The following ZNF471 variants were observed in gnomAD, a reference collection of about 807,000 sequenced individuals.
The protein encoded by ZNF471 is zinc finger protein 471.
In ZNF471, 7 loss-of-function variants were observed where a neutral mutation model predicts 13.7. The ratio of observed to expected loss-of-function variants is 0.51; its 90% CI spans 0.29 to 0.96. The LOEUF (loss-of-function observed/expected upper bound fraction) is 0.96. Among genes scored for constraint, ZNF471 ranks in the 40% least tolerant of loss-of-function variants. The pLI, the probability that ZNF471 is intolerant of heterozygous loss-of-function variation, is 0.08. For synonymous variants in ZNF471, 218 were observed against 235.6 expected, an observed-to-expected ratio of 0.93 and a Z score of 0.68; for missense variants, 663 against 743.3, an observed-to-expected ratio of 0.89 and a Z score of 1.26.
intron 4 of ZNF471, among the ~76,000 whole-genome samples, chr19:56,521,817 G>C (rs544290791): frequency 6.6e-6 from 1 of 152,042 alleles, no homozygotes; most frequent in Non-Finnish European, 1.5e-5. Flanking sequence ...ATGGTGGCAT[G>C]CACTTGGTAC....
intron 2 of ZNF471, among the ~76,000 whole-genome samples, chr19:56,514,036 T>A (rs2043844849): frequency 1.3e-5 from 2 of 151,358 alleles, no homozygotes; most frequent in African/African-American, 2.4e-5. Flanking sequence ...GTTTAGATTT[T>A]CTTTCATTGT....
intron 4 of ZNF471, among the ~76,000 whole-genome samples, chr19:56,523,272 A>G (rs1407075686): frequency 2.6e-5 from 4 of 151,994 alleles, no homozygotes; most frequent in African/African-American, 9.6e-5. Flanking sequence ...TACTCAAGAG[A>G]AGGTGGGAAG....
Position 56,521,652 on chromosome 19 carries a change from A to AAAC in ZNF471, c.257-2670_257-2669insCAA, listed in dbSNP as rs1555765590. On this transcript the variant is annotated intron_variant, in intron 4 of 4. Coordinates refer to ENST00000308031, the MANE Select transcript of ZNF471 (RefSeq NM_020813.4). ...AGACTCTGTCTCAAAAAAAAAAAAAAAAAAAAACTCTTCTATTGCTGGGCA... is the reference window on the plus strand; with the variant it reads ...AGACTCTGTCTCAAAAAAAAAAAAAAAACAAAAAAACTCTTCTATTGCTGGGCA... 2.5e-3 allele frequency among the ~76,000 whole-genome samples: 365 copies of AAAC among 147,362 alleles called. 4 individuals carry two copies. Among genetic ancestry groups the AAAC allele is most frequent in the Non-Finnish European group, 3.6e-3 (245 of 67,132 alleles).
In ZNF471 at chr19:56,524,432, A is replaced by T. The variant is rs2044015852; in HGVS notation, c.365A>T (p.Glu122Val). 6.2e-7 allele frequency: 1 copy of T among 1,613,640 alleles called. No individual in the cohort carries two copies. Among genetic ancestry groups the T allele is most frequent in the Admixed American group, 1.7e-5 (1 of 59,942 alleles). Residue 122 changes from glutamate to valine, a missense_variant, in exon 5 of 5, where the codon GAA becomes GTA. Physicochemically the swap from Glu to Val is moderately radical, Grantham distance 121. Coordinates refer to ENST00000308031, the MANE Select transcript of ZNF471 (RefSeq NM_020813.4). The surrounding 1 kb of genome is among the most constrained non-coding windows in gnomAD (Gnocchi z 4.8). ...TATGGACTTGAGTGTTCCACTTTTG[A>T]AGAAAATTGGAAATGGGAAGACCTT... ...TSYGLECSTF[E>V]ENWKWEDLFE...
At position 56,522,492 on chromosome 19, in the gene ZNF471, C is replaced by A. The variant is rs781355848; in HGVS notation, c.257-1832C>A. The stretch of plus-strand genomic sequence containing the variant: ...AACAATTCCTTCATTACTTTGATAT[C>A]ACAAATGCTTAGTGCATAATGTATA... On this transcript the variant is annotated intron_variant, in intron 4 of 4. Coordinates refer to ENST00000308031, the MANE Select transcript of ZNF471 (RefSeq NM_020813.4). This position sits in a 1 kb window ranked among gnomAD's most constrained non-coding sequence, Gnocchi z 4.1. 3.3e-5 allele frequency among the ~76,000 whole-genome samples: 5 copies of A among 152,188 alleles called. No individual in the cohort carries two copies. Among genetic ancestry groups the A allele is most frequent in the Non-Finnish European group, 7.3e-5 (5 of 68,036 alleles).
rs1289435994 is a variant in ZNF471, at chr19:56,528,828, A to G, written c.*2880A>G. On this transcript the variant is annotated 3_prime_UTR_variant, in exon 5 of 5. Coordinates refer to ENST00000308031, the MANE Select transcript of ZNF471 (RefSeq NM_020813.4). ...TTAACTGAAGAAAGAGAAATTGAAT[A>G]ATATAGTTCTATTTCAACATGTGGG... The G allele has an allele frequency of 6.6e-6, 1 of 152,212 alleles. No homozygotes were observed. Among genetic ancestry groups the G allele is most frequent in the Non-Finnish European group, 1.5e-5 (1 of 68,044 alleles). The allele number at this position is 152,212 out of a possible 1,614,324, so 9.4% of individuals were successfully genotyped here.
chr19:56,510,928 G>A lies in ZNF471; in HGVS notation c.-55-589G>A. ...AATTAAGGGGCTGGGACAGAGGTGA[G>A]AGTGAAAGTGGCAGAATTGAGTGCT... On this transcript the variant is annotated intron_variant, in intron 1 of 4. Coordinates refer to ENST00000308031, the MANE Select transcript of ZNF471 (RefSeq NM_020813.4). The surrounding 1 kb of genome is among the most constrained non-coding windows in gnomAD (Gnocchi z 4.3). 2 of 985,588 alleles carry A rather than the reference G, an allele frequency of 2.0e-6. No individual in the cohort carries two copies. Among genetic ancestry groups the A allele is most frequent in the Non-Finnish European group, 2.4e-6 (2 of 830,038 alleles). 61.1% of individuals were successfully genotyped at this position (985,588 alleles called of 1,614,324 possible).
chr19:56,524,665 T>C lies in ZNF471; in HGVS notation c.598T>C (p.Tyr200His), dbSNP rs1463437932. ...NSMVIKHKKV[Y>H]VGKKLFKCNE... Reference sequence around the variant, plus strand: ...TATGGTAATAAAACACAAGAAAGTCTATGTAGGAAAGAAGCTTTTTAAATG... The same window carrying C: ...TATGGTAATAAAACACAAGAAAGTCCATGTAGGAAAGAAGCTTTTTAAATG... Residue 200 changes from tyrosine to histidine, a missense_variant, in exon 5 of 5, where the codon TAT becomes CAT. Coordinates refer to ENST00000308031, the MANE Select transcript of ZNF471 (RefSeq NM_020813.4). The surrounding 1 kb of genome is among the most constrained non-coding windows in gnomAD (Gnocchi z 4.8). 3.2e-6 allele frequency: 5 copies of C among 1,580,618 alleles called. No individual in the cohort carries two copies. Among genetic ancestry groups the C allele is most frequent in the Non-Finnish European group, 4.3e-6 (5 of 1,171,166 alleles).
Position 56,524,452 on chromosome 19 carries a change from G to T in ZNF471, c.385G>T (p.Asp129Tyr). ...STFEENWKWE[D>Y]LFEKQMGSHE... is the part of the protein sequence containing the mutation. ...TTTTGAAGAAAATTGGAAATGGGAA[G>T]ACCTTTTTGAGAAGCAGATGGGAAG... Residue 129 changes from aspartate (D) to tyrosine (Y), a missense_variant, in exon 5 of 5, where the codon GAC (aspartate) becomes TAC (tyrosine). By Grantham distance (160) the Asp-to-Tyr change is radical. Transcript: ENST00000308031. The surrounding 1 kb of genome is among the most constrained non-coding windows in gnomAD (Gnocchi z 4.8). 6.2e-7 allele frequency: 1 copy of T among 1,613,760 alleles called. No homozygotes were observed. Among genetic ancestry groups the T allele is most frequent in the Non-Finnish European group, 8.5e-7 (1 of 1,179,934 alleles).
chr19:56,512,049 A>AT (rs2043819105), intron 2 of ZNF471, among the ~76,000 whole-genome samples: 1 of 152,046 alleles, frequency 6.6e-6, no homozygotes, highest in Non-Finnish European at 1.5e-5. Flanking sequence ...TTTTCTTTAC[A>AT]TTTTAAGTAT....
rs1426278090 is a variant in ZNF471 at position 56,510,376 on chromosome 19, A to G, written c.-55-1141A>G. Reference sequence around the variant, plus strand: ...TGTGAGAGACCAAAATGGGTGAGAAAGAAACTATGTGAACCATGGTGTGTT... The same window carrying G: ...TGTGAGAGACCAAAATGGGTGAGAAGGAAACTATGTGAACCATGGTGTGTT... On this transcript the variant is annotated intron_variant, in intron 1 of 4. Coordinates refer to ENST00000308031, the MANE Select transcript of ZNF471 (RefSeq NM_020813.4). This position sits in a 1 kb window ranked among gnomAD's most constrained non-coding sequence, Gnocchi z 4.3. 3.0e-6 allele frequency: 3 copies of G among 985,418 alleles called. No individual in the cohort carries two copies. Among genetic ancestry groups the G allele is most frequent in the Non-Finnish European group, 2.4e-6 (2 of 829,992 alleles). 61.0% of individuals were successfully genotyped at this position (985,418 alleles called of 1,614,324 possible). A position where few individuals can be genotyped will look rare whatever the true frequency, so the allele number is the denominator to read the frequency against.
chr19:56,512,999 G>A (rs2043831842), intron 2 of ZNF471, among the ~76,000 whole-genome samples: 1 of 152,218 alleles, frequency 6.6e-6, no homozygotes, highest in Admixed American at 6.5e-5. Flanking sequence ...CATTTTGTGA[G>A]TTACCTAACA....
chr19:56,524,332 T>C lies in ZNF471; in HGVS notation c.265T>C (p.Ser89Pro). Residue 89 changes from serine to proline, a missense_variant, in exon 5 of 5, where the codon TCT becomes CCT. By Grantham distance (74) the Ser-to-Pro change is moderately conservative. Transcript: ENST00000308031. This position sits in a 1 kb window ranked among gnomAD's most constrained non-coding sequence, Gnocchi z 4.8. ...TTTTTAATATCTTTCAGATTGGGAA[T>C]CTATATATGTGACACAGGAATTACC... Reference protein sequence around the residue: ...MTRSPFSDWESIYVTQELPLK... With the variant: ...MTRSPFSDWEPIYVTQELPLK... The C allele has an allele frequency of 1.3e-6, 2 of 1,522,046 alleles. No individual in the cohort carries two copies. Among genetic ancestry groups the C allele is most frequent in the East Asian group, 4.7e-5 (2 of 42,890 alleles). 94.3% of individuals were successfully genotyped at this position (1,522,046 alleles called of 1,614,324 possible). A position where few individuals can be genotyped will look rare whatever the true frequency, so the allele number is the denominator to read the frequency against.
In ZNF471 at chr19:56,527,522, C is replaced by G. The variant is rs1299761770; in HGVS notation, c.*1574C>G. 1 of 152,172 alleles carries G rather than the reference C, an allele frequency of 6.6e-6. No homozygotes were observed. Among genetic ancestry groups the G allele is most frequent in the Non-Finnish European group, 1.5e-5 (1 of 68,040 alleles). 9.4% of individuals were successfully genotyped at this position (152,172 alleles called of 1,614,324 possible). On this transcript the variant is annotated 3_prime_UTR_variant, in exon 5 of 5. Transcript: ENST00000308031. ...GCTTCAGAAGGTGGGAAATAACAAA[C>G]TCCTCTGAGCTAAAGGAGCATGTTC...
In ZNF471 at chr19:56,516,193, TAA is replaced by T; in HGVS notation, c.34-80_34-79del. 2 of 1,412,832 alleles carry T rather than the reference TAA, an allele frequency of 1.4e-6. No homozygotes were observed. Among genetic ancestry groups the T allele is most frequent in the Non-Finnish European group, 2.0e-6 (2 of 1,018,558 alleles). The allele number at this position is 1,412,832 out of a possible 1,614,324, so 87.5% of individuals were successfully genotyped here. A position where few individuals can be genotyped will look rare whatever the true frequency, so the allele number is the denominator to read the frequency against. On this transcript the variant is annotated intron_variant, in intron 2 of 4. Coordinates refer to ENST00000308031, the MANE Select transcript of ZNF471 (RefSeq NM_020813.4). The surrounding 1 kb of genome is among the most constrained non-coding windows in gnomAD (Gnocchi z 4.4). The stretch of plus-strand genomic sequence containing the variant: ...TCTCTTCTATGAGTTATTTCTCACC[TAA>T]AGTAGAGACACTTTGGATCAACTCA...
In ZNF471 at chr19:56,524,777, AGGAATGT is replaced by A. The variant is rs1213109126; in HGVS notation, c.715_721del (p.Cys239LysfsTer148). 1.8e-5 allele frequency: 29 copies of A among 1,613,208 alleles called. No homozygotes were observed. The highest frequency in any genetic ancestry group is 2.4e-5 in the Non-Finnish European group (28 of 1,179,734). ...ACTGGTGAAAAACCATATGCATGTG[AGGAATGT>A]GGAAAAGCCTTCAAGCAAAGGCAAC... On this transcript the variant is annotated frameshift_variant, in exon 5 of 5. Transcript: ENST00000308031. LOFTEE classifies it low-confidence loss of function (END_TRUNC). The surrounding 1 kb of genome is among the most constrained non-coding windows in gnomAD (Gnocchi z 4.8).
chr19:56,524,380 G>A lies in ZNF471; in HGVS notation c.313G>A (p.Asp105Asn), dbSNP rs888641699. The change falls in exon 5 of 5, where the codon GAT becomes AAT. Residue 105 changes from aspartate to asparagine, a missense_variant. Transcript: ENST00000308031. This position sits in a 1 kb window ranked among gnomAD's most constrained non-coding sequence, Gnocchi z 4.8. ...ELPLKQFMYD[D>N]ACMEGITSYG... ...ACCTCTGAAGCAGTTCATGTATGAT[G>A]ATGCATGCATGGAGGGAATTACTAG... The A allele has an allele frequency of 6.2e-7, 1 of 1,607,284 alleles. No homozygotes were observed. The highest frequency in any genetic ancestry group is 1.1e-5 in the South Asian group (1 of 89,324).
intron 4 of ZNF471, among the ~76,000 whole-genome samples, chr19:56,520,005 C>T (rs2043947567): frequency 3.3e-5 from 5 of 152,082 alleles, no homozygotes; most frequent in Admixed American, 3.3e-4. Flanking sequence ...CAGTATCATT[C>T]CGGGTTTCTG....
intron 2 of ZNF471, among the ~76,000 whole-genome samples, chr19:56,515,255 C>T (rs57000964): frequency 0.027 from 4,077 of 151,994 alleles, 90 homozygotes; most frequent in East Asian, 0.11. Flanking sequence ...CAAAATTATC[C>T]TAAATATTGG....
Sources: gnomAD v4.1 joint callset for allele counts (sites outside exome capture counted in the v4.1 genomes callset) on GRCh38, gnomAD v4.1.1 for gene constraint, Gnocchi (gnomAD v3.1) non-coding constraint, MANE v1.5 for transcripts, NCBI Gene and HGNC (gene_info 2026-07-23, HGNC 2026-07-21) for gene names.